TSPAN18: variants seen among roughly 807,000 people sequenced by gnomAD.
TSPAN18 encodes tetraspanin 18.
Under a neutral mutation model 27.3 loss-of-function variants are expected in TSPAN18, and 14 were observed. The ratio of observed to expected loss-of-function variants is 0.51; its 90% CI spans 0.34 to 0.80. The LOEUF (loss-of-function observed/expected upper bound fraction) is 0.80. TSPAN18 is among the 30% of genes least tolerant of loss of function. TSPAN18 has a pLI of 0.01. For synonymous variants in TSPAN18, 143 were observed against 136.5 expected, an observed-to-expected ratio of 1.05 and a Z score of -0.33; for missense variants, 268 against 323.9, an observed-to-expected ratio of 0.83 and a Z score of 1.32.
intron 2 of TSPAN18, among the ~76,000 whole-genome samples, chr11:44,837,012 A>G (rs958552987): frequency 6.6e-6 from 1 of 152,226 alleles, no homozygotes; most frequent in Non-Finnish European, 1.5e-5. Flanking sequence ...CCTGCCTGCT[A>G]AGACACATCT....
chr11:44,884,556 C>T (rs934449449), intron 3 of TSPAN18, among the ~76,000 whole-genome samples: 3 of 152,306 alleles, frequency 2.0e-5, no homozygotes, highest in East Asian at 1.9e-4. Context: ...ATTCCCCACT[C>T]GGGGCTTTGG....
At chr11:44,908,951 T>G (rs1455051768) in intron 4 of TSPAN18, among the ~76,000 whole-genome samples, 1 of 152,114 alleles carries the variant, frequency 6.6e-6, no homozygotes, top group Non-Finnish European at 1.5e-5. Flanking sequence ...GCTAAAAGGC[T>G]CAGACAGATT....
intron 3 of TSPAN18, among the ~76,000 whole-genome samples, chr11:44,869,655 A>G (rs1481385865): frequency 6.6e-6 from 1 of 152,170 alleles, no homozygotes; most frequent in Non-Finnish European, 1.5e-5. Context: ...CCTTAGAGAC[A>G]CGGCCAGGCC....
chr11:44,766,779 T>C (rs566272054), intron 2 of TSPAN18, among the ~76,000 whole-genome samples: 2 of 152,214 alleles, frequency 1.3e-5, no homozygotes, highest in Non-Finnish European at 2.9e-5. Flanking sequence ...TGTGCTGTCA[T>C]GGAAAAGCTT....
rs1017322145 is a variant in TSPAN18, at chr11:44,752,116, C to G, written c.-239-12310C>G. ...CACACCAACCCAAAATGGAGTCATT[C>G]AAGCTGAAGTGTCACATTATCAAAC... On this transcript the variant is annotated intron_variant, in intron 1 of 9. Coordinates refer to ENST00000520358, the MANE Select transcript of TSPAN18 (RefSeq NM_130783.5). 5.3e-5 allele frequency among the ~76,000 whole-genome samples: 8 copies of G among 152,248 alleles called. No homozygotes were observed. The South Asian group carries it at 6.2e-4, about 12-fold the overall frequency.
At chr11:44,862,066 G>A (rs1444588010) in intron 3 of TSPAN18, among the ~76,000 whole-genome samples, 1 of 151,952 alleles carries the variant, frequency 6.6e-6, no homozygotes, top group Non-Finnish European at 1.5e-5. Flanking sequence ...GCCTCTTTAG[G>A]GTTTTTTGCG....
intron 2 of TSPAN18, among the ~76,000 whole-genome samples, chr11:44,770,440 A>T (rs1855666277): frequency 6.6e-6 from 1 of 152,168 alleles, no homozygotes; most frequent in African/African-American, 2.4e-5. Context: ...AGGGTAAGGC[A>T]CATTAGGCTG....
intron 3 of TSPAN18, among the ~76,000 whole-genome samples, chr11:44,865,467 T>G (rs1858011386): frequency 6.6e-6 from 1 of 152,218 alleles, no homozygotes; most frequent in Non-Finnish European, 1.5e-5. Flanking sequence ...CCACACGGGT[T>G]TTTCCAGACT....
chr11:44,731,633 T>TGTGTGTGTGTGTGA (rs139154582), intron 1 of TSPAN18, among the ~76,000 whole-genome samples: 2 of 107,384 alleles, frequency 1.9e-5, no homozygotes, highest in Non-Finnish European at 3.7e-5. Flanking sequence ...TGTGTGTGTG[T>TGTGTGTGTGTGTGA]GAGAGAGAGA....
At chr11:44,851,068 T>A (rs1857588565) in intron 2 of TSPAN18, among the ~76,000 whole-genome samples, 1 of 152,202 alleles carries the variant, frequency 6.6e-6, no homozygotes, top group South Asian at 2.1e-4. Context: ...TTGGTCAGCG[T>A]TATTAACCTG....
chr11:44,790,154 TGTGTGTGTGTGC>T, intron 2 of TSPAN18, among the ~76,000 whole-genome samples: 1 of 132,834 alleles, frequency 7.5e-6, no homozygotes, highest in East Asian at 6.1e-4. Context: ...CGTGTGTGCA[TGTGTGTGTGTGC>T]ATGTGTGTGT....
intron 2 of TSPAN18, among the ~76,000 whole-genome samples, chr11:44,778,250 T>C (rs1855859583): frequency 6.6e-6 from 1 of 152,096 alleles, no homozygotes; most frequent in Non-Finnish European, 1.5e-5. Context: ...ACCTCTTGTT[T>C]AAGGGCCTGA....
chr11:44,853,896 A>G (rs1037494386), intron 2 of TSPAN18, among the ~76,000 whole-genome samples: 1 of 152,154 alleles, frequency 6.6e-6, no homozygotes, highest in Non-Finnish European at 1.5e-5. Flanking sequence ...AAGATTAATG[A>G]GAGGGCAGGG....
chr11:44,856,374 C>T (rs1857738702), intron 2 of TSPAN18, among the ~76,000 whole-genome samples: 2 of 152,176 alleles, frequency 1.3e-5, no homozygotes, highest in South Asian at 2.1e-4. Context: ...GGTCTTGGCT[C>T]ATGGTCTTGA....
intron 2 of TSPAN18, among the ~76,000 whole-genome samples, chr11:44,811,167 CA>C (rs1472170691): frequency 5.4e-5 from 7 of 130,546 alleles, no homozygotes; most frequent in Admixed American, 3.1e-4. Context: ...CACACACACA[CA>C]CACACACCCC....
chr11:44,905,592 G>A (rs779992146), intron 3 of TSPAN18, among the ~76,000 whole-genome samples: 2 of 152,222 alleles, frequency 1.3e-5, no homozygotes, highest in Non-Finnish European at 2.9e-5. Context: ...TGACTCATGA[G>A]AGCAGATGCT....
chr11:44,782,399 T>C (rs1400757498), intron 2 of TSPAN18, among the ~76,000 whole-genome samples: 1 of 151,878 alleles, frequency 6.6e-6, no homozygotes, highest in African/African-American at 2.4e-5. Flanking sequence ...AAAAATTAGC[T>C]GAGCGTAGTA....
intron 2 of TSPAN18, among the ~76,000 whole-genome samples, chr11:44,833,109 C>T (rs1272036277): frequency 6.6e-6 from 1 of 150,982 alleles, no homozygotes; most frequent in Non-Finnish European, 1.5e-5. Flanking sequence ...CTCTGGGCTC[C>T]AAAGCCTGTG....
chr11:44,902,518 A>C (rs1859299884), intron 3 of TSPAN18, among the ~76,000 whole-genome samples: 1 of 152,248 alleles, frequency 6.6e-6, no homozygotes, highest in South Asian at 2.1e-4. Flanking sequence ...AAGGCCCCAC[A>C]GTCAGTGATG....
Sources: gnomAD v4.1 joint callset for allele counts (sites outside exome capture counted in the v4.1 genomes callset) on GRCh38, gnomAD v4.1.1 for gene constraint, MANE v1.5 for transcripts, NCBI Gene and HGNC (gene_info 2026-07-23, HGNC 2026-07-21) for gene names.